EXD3: variants seen among roughly 807,000 people sequenced by gnomAD.
EXD3 encodes the protein exonuclease 3'-5' domain containing 3, also known as exonuclease mut-7 homolog.
EXD3 carries 92 observed loss-of-function variants against 98.0 expected under a neutral mutation model. The observed-to-expected ratio is 0.94, with a 90% CI of 0.79 to 1.12. EXD3 has a LOEUF of 1.12. EXD3 is among the 50% of genes most tolerant of loss of function. The probability of loss-of-function intolerance (pLI) is 0.00; values close to 1 mark genes in which losing one functional copy is unlikely to be tolerated. For synonymous variants in EXD3, 569 were observed against 526.0 expected, an observed-to-expected ratio of 1.08 and a Z score of -1.12; for missense variants, 1,222 against 1,191.6, an observed-to-expected ratio of 1.03 and a Z score of -0.38.
At chr9:137,357,981 T>C (rs1369323096) in intron 7 of EXD3, among the ~76,000 whole-genome samples, 1 of 152,054 alleles carries the variant, frequency 6.6e-6, no homozygotes, top group African/African-American at 2.4e-5. Flanking sequence ...CCAGCCTTGC[T>C]GGCAGCTGAT....
chr9:137,329,123 G>GA (rs1282414829), intron 17 of EXD3, among the ~76,000 whole-genome samples: 10 of 18,670 alleles, frequency 5.4e-4, no homozygotes, highest in Non-Finnish European at 7.7e-4. Flanking sequence ...GGCTACACGG[G>GA]GCTACACGGG....
At chr9:137,406,824 G>A (rs544884691) in intron 1 of EXD3, among the ~76,000 whole-genome samples, 1 of 149,090 alleles carries the variant, frequency 6.7e-6, no homozygotes, top group South Asian at 2.1e-4. Context: ...ACCCCAGGCC[G>A]CTCCTCAGCC....
At chr9:137,422,681 A>G (rs1023408215) in intron 1 of EXD3, among the ~76,000 whole-genome samples, 1 of 152,168 alleles carries the variant, frequency 6.6e-6, no homozygotes, top group East Asian at 1.9e-4. Context: ...GCGCCGGTGG[A>G]CAGGAAGCCA....
At chr9:137,353,831 C>T (rs555013988) in intron 10 of EXD3, 57 of 986,480 alleles carry the variant, frequency 5.8e-5, no homozygotes, top group Middle Eastern at 5.2e-4. Flanking sequence ...GAGGAGGGTC[C>T]GCCTGCCCCG....
At chr9:137,376,292 C>T (rs1228133900) in intron 3 of EXD3, among the ~76,000 whole-genome samples, 1 of 141,222 alleles carries the variant, frequency 7.1e-6, no homozygotes, top group East Asian at 2.1e-4. Flanking sequence ...TGCAGTGAGC[C>T]GAGATTGTGC....
intron 1 of EXD3, among the ~76,000 whole-genome samples, chr9:137,397,064 C>T (rs556825333): frequency 1.9e-4 from 29 of 152,318 alleles, no homozygotes; most frequent in Non-Finnish European, 2.8e-4. Flanking sequence ...CCAGGACCCG[C>T]GGCCCCAGGG....
chr9:137,369,176 G>A (rs951781760), intron 5 of EXD3, among the ~76,000 whole-genome samples: 3 of 146,990 alleles, frequency 2.0e-5, no homozygotes, highest in Admixed American at 1.3e-4. Context: ...GGGAAGGGGC[G>A]CAGGGCCGGG....
chr9:137,383,505 C>T, intron 2 of EXD3, 128 bp from the exon 3 acceptor site: 1 of 627,878 alleles, frequency 1.6e-6, no homozygotes, highest in African/African-American at 1.9e-5. Flanking sequence ...GGCCGGGAAC[C>T]CTCCCCCACC....
intron 17 of EXD3, among the ~76,000 whole-genome samples, chr9:137,325,726 C>T (rs1007876194): frequency 9.2e-5 from 14 of 152,170 alleles, no homozygotes; most frequent in Admixed American, 7.9e-4. Flanking sequence ...AGCCACCGCA[C>T]CCGGCCAAAT....
intron 17 of EXD3, among the ~76,000 whole-genome samples, chr9:137,344,527 C>A (rs370128434): frequency 6.6e-6 from 1 of 152,188 alleles, no homozygotes; most frequent in Non-Finnish European, 1.5e-5. Flanking sequence ...GATACCCCTG[C>A]GCTTTCTGGA....
At position 137,388,689 on chromosome 9, in the gene EXD3, G is replaced by A. The variant is rs373722283; in HGVS notation, c.56-5312C>T. On this transcript the variant is annotated intron_variant, in intron 2 of 21. Coordinates refer to ENST00000340951, the MANE Select transcript of EXD3 (RefSeq NM_017820.5). ...GGCCTCCAGGCAGGAAGTCTGTGACGTGGTCTTCACAAAGCCCCCGAGTGG... is the reference window on the plus strand; with the variant it reads ...GGCCTCCAGGCAGGAAGTCTGTGACATGGTCTTCACAAAGCCCCCGAGTGG... Among the ~76,000 whole-genome samples the A allele has an allele frequency of 1.1e-4, 17 of 152,262 alleles. 1 individual carries two copies. Among genetic ancestry groups the A allele is most frequent in the South Asian group, 1.0e-3 (5 of 4,830 alleles).
intron 3 of EXD3, among the ~76,000 whole-genome samples, chr9:137,377,462 A>AAG (rs1554815944): frequency 4.7e-5 from 7 of 147,660 alleles, no homozygotes; most frequent in African/African-American, 1.8e-4. Context: ...AAAAAAAAAA[A>AAG]GGGAAAGGCA....
At chr9:137,334,794 GC>G (rs1833268390) in intron 17 of EXD3, among the ~76,000 whole-genome samples, 1 of 152,148 alleles carries the variant, frequency 6.6e-6, no homozygotes, top group Admixed American at 6.5e-5. Flanking sequence ...GAAAACACCA[GC>G]CCACAAGGCC....
intron 17 of EXD3, among the ~76,000 whole-genome samples, chr9:137,342,926 C>T (rs1742942176): frequency 6.6e-6 from 1 of 152,130 alleles, no homozygotes; most frequent in African/African-American, 2.4e-5. Flanking sequence ...TCGAGACCAT[C>T]CCGGCCAACA....
rs201090340 is a variant in EXD3 at position 137,348,240 on chromosome 9, T to C, written c.1831-2A>G. 254 of 1,610,054 alleles carry C rather than the reference T, an allele frequency of 1.6e-4. No homozygotes were observed. The highest frequency in any genetic ancestry group is 2.1e-4 in the Non-Finnish European group (247 of 1,179,072). The stretch of plus-strand genomic sequence containing the variant: ...AGACACAGCCACAGCCACAGGGACC[T>C]GCAGTGAGGCCCTGGTCAGCAGTCC... On this transcript the variant is annotated splice_acceptor_variant, in intron 16 of 21. Transcript: ENST00000340951. LOFTEE classifies it high-confidence loss of function.
At chr9:137,348,277 C>G (rs749448873) in intron 16 of EXD3, 39 bp from the exon 17 acceptor site, 7 of 1,585,628 alleles carry the variant, frequency 4.4e-6, no homozygotes, top group Non-Finnish European at 6.0e-6. Context: ...ACGGTCACCC[C>G]CCAGCCCCTC....
At chr9:137,387,467 TCATCCCA>T (rs1836662304) in intron 2 of EXD3, among the ~76,000 whole-genome samples, 1 of 152,022 alleles carries the variant, frequency 6.6e-6, no homozygotes, top group African/African-American at 2.4e-5. Context: ...ATGCTGACAC[TCATCCCA>T]CACAATTGCT....
chr9:137,360,731 G>C lies in EXD3; in HGVS notation c.657-4363C>G, dbSNP rs184850810. ...CTGCCTCAACCTCCCAAAGTGCTGG[G>C]AATACAGGTGTGAGCCACCGCACCC... On this transcript the variant is annotated intron_variant, in intron 7 of 21. Coordinates refer to ENST00000340951, the MANE Select transcript of EXD3 (RefSeq NM_017820.5). Among the ~76,000 whole-genome samples the C allele has an allele frequency of 1.3e-3, 110 of 85,496 alleles. 53 individuals are homozygous for C. In the East Asian group the frequency reaches 0.079, roughly 61 times the overall value. The allele number at this position is 85,496 out of a possible 152,430, so 56.1% of individuals were successfully genotyped here.
chr9:137,389,919 C>G (rs1043982083), intron 2 of EXD3, among the ~76,000 whole-genome samples: 1 of 150,876 alleles, frequency 6.6e-6, no homozygotes, highest in South Asian at 2.1e-4. Flanking sequence ...GTCAGGAGTT[C>G]GAGACCAGCC....
Sources: gnomAD v4.1 joint callset for allele counts (sites outside exome capture counted in the v4.1 genomes callset) on GRCh38, gnomAD v4.1.1 for gene constraint, MANE v1.5 for transcripts, NCBI Gene and HGNC (gene_info 2026-07-23, HGNC 2026-07-21) for gene names.